Variants in PLEKHG5 observed in about 807,000 individuals in gnomAD.
PLEKHG5 encodes the protein pleckstrin homology and RhoGEF domain containing G5.
In PLEKHG5, 52 loss-of-function variants were observed where a neutral mutation model predicts 103.8. The observed-to-expected ratio is 0.50, with a 90% CI of 0.40 to 0.63. The LOEUF (loss-of-function observed/expected upper bound fraction) is 0.63, where lower values mean the gene tolerates loss of function less well. Ranked by LOEUF, PLEKHG5 falls within the 30% of genes least tolerant of loss-of-function variation. The pLI is 0.00. For synonymous variants in PLEKHG5, 592 were observed against 575.5 expected (o/e 1.03, Z -0.41); for missense variants, 1,205 against 1,347.6 (o/e 0.89, Z 1.66).
intron 1 of PLEKHG5, among the ~76,000 whole-genome samples, chr1:6,488,734 G>A (rs1446520667): frequency 1.3e-5 from 2 of 152,096 alleles, no homozygotes; most frequent in Non-Finnish European, 2.9e-5. Flanking sequence ...AACAGCTCAG[G>A]GGCAGGCCCA....
intron 17 of PLEKHG5, 46 bp downstream of exon 17, chr1:6,469,498 A>G (rs769032626): frequency 3.7e-6 from 6 of 1,613,368 alleles, no homozygotes; most frequent in African/African-American, 1.3e-5. Context: ...GATGGCCCCC[A>G]CCCATCACAG....
At position 6,486,458 on chromosome 1, in the gene PLEKHG5, G is replaced by A. The variant is rs756400286; in HGVS notation, c.-88+5179C>T. ...CACCGACTGCTCACTGCCCAGGTACGGCAGAGGCCGAGAGCCAAAGGCCGG... is the reference window on the plus strand; with the variant it reads ...CACCGACTGCTCACTGCCCAGGTACAGCAGAGGCCGAGAGCCAAAGGCCGG... On this transcript the variant is annotated intron_variant, in intron 1 of 20. Transcript: ENST00000377728. This position sits in a 1 kb window ranked among gnomAD's most constrained non-coding sequence, Gnocchi z 5.3. 1.3e-5 allele frequency among the ~76,000 whole-genome samples: 2 copies of A among 152,244 alleles called. No individual in the cohort carries two copies. The highest frequency in any genetic ancestry group is 4.8e-5 in the African/African-American group (2 of 41,464).
rs536959241 is a variant in PLEKHG5, at chr1:6,488,130, C to CA, written c.-88+3506dup. ...TGGTCTTGCCCCAGACCTCCACCCC[C>CA]ATACTGTCCTGTAGGCAGATAACTG... On this transcript the variant is annotated intron_variant, in intron 1 of 20. Transcript: ENST00000377728. 8.9e-3 allele frequency among the ~76,000 whole-genome samples: 1,361 copies of CA among 152,356 alleles called. 28 individuals are homozygous for CA. Among genetic ancestry groups the CA allele is most frequent in the African/African-American group, 0.032 (1,310 of 41,578 alleles).
intron 1 of PLEKHG5, among the ~76,000 whole-genome samples, chr1:6,504,500 CG>C (rs1315453153): frequency 2.6e-5 from 4 of 152,144 alleles, no homozygotes; most frequent in Admixed American, 1.3e-4. Context: ...CAGGCAGGGA[CG>C]CCTGGCCTTC....
chr1:6,486,765 AG>A lies in PLEKHG5; in HGVS notation c.-88+4871del, dbSNP rs1295461692. ...CCAGGAAGGCAGGGCAGGCACCATT[AG>A]CCCCATTCACGGCGTGGGGGATAAA... is the stretch of plus-strand genomic sequence containing the variant. On this transcript the variant is annotated intron_variant, in intron 1 of 20. Transcript: ENST00000377728. The surrounding 1 kb of genome is among the most constrained non-coding windows in gnomAD (Gnocchi z 5.3). Among the ~76,000 whole-genome samples, 5 of 152,348 alleles carry A rather than the reference AG, an allele frequency of 3.3e-5. No homozygotes were observed. Among genetic ancestry groups the A allele is most frequent in the Admixed American group, 2.0e-4 (3 of 15,308 alleles).
intron 1 of PLEKHG5, among the ~76,000 whole-genome samples, chr1:6,518,164 C>A (rs1317610448): frequency 1.3e-5 from 2 of 151,402 alleles, no homozygotes; most frequent in Non-Finnish European, 3.0e-5. Flanking sequence ...GATCTCCTGA[C>A]CTTGTGATCC....
At chr1:6,514,419 A>C (rs1638558821) in intron 1 of PLEKHG5, among the ~76,000 whole-genome samples, 1 of 151,746 alleles carries the variant, frequency 6.6e-6, no homozygotes. Context: ...GTGCCACTGC[A>C]CTCCAGCCTT....
Position 6,503,929 on chromosome 1 carries a change from A to G in PLEKHG5, c.-164-7360T>C, listed in dbSNP as rs565249059. Among the ~76,000 whole-genome samples the G allele has an allele frequency of 2.6e-5, 4 of 152,272 alleles. No individual in the cohort carries two copies. The East Asian group carries it at 7.7e-4, about 29-fold the overall frequency. On this transcript the variant is annotated intron_variant, in intron 1 of 21. Coordinates refer to the PLEKHG5 transcript ENST00000377740. ...AGGGGAGGGACCAGCAGGATGACTG[A>G]GATGTACAGAACAACTAAGAGAGCC...
At chr1:6,469,858 T>C (rs532010910) in intron 16 of PLEKHG5, among the ~76,000 whole-genome samples, 182 bp from the exon 17 acceptor site, 1 of 152,226 alleles carries the variant, frequency 6.6e-6, no homozygotes, top group Non-Finnish European at 1.5e-5. Flanking sequence ...GTTGATGACT[T>C]ATCTCAATAC....
chr1:6,504,294 C>G (rs1638238318), intron 1 of PLEKHG5, among the ~76,000 whole-genome samples: 2 of 152,198 alleles, frequency 1.3e-5, no homozygotes, highest in African/African-American at 4.8e-5. Context: ...ACCCCACCCC[C>G]ACATCCCGTG....
intron 7 of PLEKHG5, 110 bp downstream of exon 7, chr1:6,473,903 C>G (rs1338329694): frequency 3.6e-6 from 4 of 1,101,462 alleles, no homozygotes; most frequent in Non-Finnish European, 3.9e-6. Flanking sequence ...ACAATTAAAA[C>G]CCCAAGATGG....
At chr1:6,517,955 CAG>C (rs1638670010) in intron 1 of PLEKHG5, among the ~76,000 whole-genome samples, 2 of 152,002 alleles carry the variant, frequency 1.3e-5, no homozygotes. Flanking sequence ...TTTTTTGAGA[CAG>C]AGTCTCGCTC....
At chr1:6,479,400 C>T (rs1644845979) in intron 1 of PLEKHG5, among the ~76,000 whole-genome samples, 1 of 151,150 alleles carries the variant, frequency 6.6e-6, no homozygotes, top group Non-Finnish European at 1.5e-5. Context: ...CATTCTCCTG[C>T]CTCAGCCTCC....
Position 6,490,475 on chromosome 1 carries a change from T to C in PLEKHG5, c.-88+1162A>G. On this transcript the variant is annotated intron_variant, in intron 1 of 20. Coordinates refer to ENST00000377728, the MANE Select transcript of PLEKHG5 (RefSeq NM_020631.6). This position sits in a 1 kb window ranked among gnomAD's most constrained non-coding sequence, Gnocchi z 8.0. Reference sequence around the variant, plus strand: ...AACAGGACCAGGGTCTCCTCCCCGGTGTCTAAGGCTCTAAGGCTCGGGCCG... The same window carrying C: ...AACAGGACCAGGGTCTCCTCCCCGGCGTCTAAGGCTCTAAGGCTCGGGCCG... The C allele has an allele frequency of 1.0e-6, 1 of 967,162 alleles. No homozygotes were observed. The highest frequency in any genetic ancestry group is 1.2e-6 in the Non-Finnish European group (1 of 828,702). 59.9% of individuals were successfully genotyped at this position (967,162 alleles called of 1,614,324 possible). A position where few individuals can be genotyped will look rare whatever the true frequency, so the allele number is the denominator to read the frequency against.
At chr1:6,499,377 T>G (rs75286796), upstream of PLEKHG5, among the ~76,000 whole-genome samples, 5 of 152,192 alleles carry the variant, frequency 3.3e-5, no homozygotes, top group African/African-American at 1.2e-4. Flanking sequence ...GGGGTCTACC[T>G]GCCTGAACTC....
At chr1:6,509,221 G>T (rs1050958412) in intron 1 of PLEKHG5, among the ~76,000 whole-genome samples, 1 of 152,238 alleles carries the variant, frequency 6.6e-6, no homozygotes, top group Non-Finnish European at 1.5e-5. Flanking sequence ...TGGGCCCGGA[G>T]ACCCTAAGAT....
At chr1:6,469,506 C>T in intron 17 of PLEKHG5, 38 bp downstream of exon 17, 1 of 1,613,802 alleles carries the variant, frequency 6.2e-7, no homozygotes, top group Non-Finnish European at 8.5e-7. Flanking sequence ...CCACCCATCA[C>T]AGCCCCTGAC....
intron 5 of PLEKHG5, 108 bp from the exon 6 acceptor site, chr1:6,474,695 A>T (rs1230709667): frequency 1.1e-4 from 83 of 784,676 alleles, no homozygotes; most frequent in Non-Finnish European, 1.4e-4. Flanking sequence ...AGCTGCCCCC[A>T]CCTTCCCAAC....
intron 1 of PLEKHG5, among the ~76,000 whole-genome samples, chr1:6,489,315 C>T (rs1047090605): frequency 6.6e-6 from 1 of 152,220 alleles, no homozygotes; most frequent in South Asian, 2.1e-4. Flanking sequence ...TTCCCCTAGG[C>T]CCAGGCCTCA....
Sources: allele counts gnomAD v4.1 joint callset (sites outside exome capture counted in the v4.1 genomes callset), GRCh38; gene constraint gnomAD v4.1.1; non-coding constraint Gnocchi (gnomAD v3.1); transcripts MANE v1.5; gene names NCBI Gene and HGNC (gene_info 2026-07-23, HGNC 2026-07-21).